Variants in N4BP2 observed in about 807,000 individuals in gnomAD.
The protein encoded by N4BP2 is NEDD4 binding protein 2.
A neutral mutation model predicts 152.8 loss-of-function variants in N4BP2; 91 were observed. The ratio of observed to expected loss-of-function variants is 0.60; its 90% CI spans 0.50 to 0.71. The LOEUF is 0.71. Ranked by LOEUF, N4BP2 falls within the 30% of genes least tolerant of loss-of-function variation. The probability of loss-of-function intolerance (pLI) is 0.00; values close to 1 mark genes in which losing one functional copy is unlikely to be tolerated. For missense variants in N4BP2, 1,923 were observed against 2,059.1 expected (o/e 0.93, Z 1.28); for synonymous variants, 646 against 705.3 (o/e 0.92, Z 1.33).
chr4:40,082,978 G>C (rs1288872991), intron 2 of N4BP2: 1 of 230,252 alleles, frequency 4.3e-6, no homozygotes, highest in Non-Finnish European at 8.8e-6. Context: ...GGGATTACAA[G>C]TGTGAGCCAC....
chr4:40,169,666 A>C, the N4BP2 span, among the ~76,000 whole-genome samples: 21 of 151,398 alleles, frequency 1.4e-4, no homozygotes, highest in Non-Finnish European at 2.4e-4. Context: ...CTTTAAAAAA[A>C]AAAACAAAAA....
At chr4:40,068,671 T>G (rs1274104815) in intron 1 of N4BP2, among the ~76,000 whole-genome samples, 2 of 152,182 alleles carry the variant, frequency 1.3e-5, no homozygotes, top group Non-Finnish European at 2.9e-5. Flanking sequence ...CCATTAGTCT[T>G]ATGTCTATCT....
the N4BP2 span, among the ~76,000 whole-genome samples, chr4:40,188,855 T>C: frequency 6.6e-6 from 1 of 151,006 alleles, no homozygotes; most frequent in Non-Finnish European, 1.5e-5. Flanking sequence ...ATTACAAAGA[T>C]CAAGGGAGGC....
At chr4:40,101,080 C>A (rs1329084774) in intron 3 of N4BP2, among the ~76,000 whole-genome samples, 1 of 152,188 alleles carries the variant, frequency 6.6e-6, no homozygotes, top group Non-Finnish European at 1.5e-5. Flanking sequence ...GTTCACATAT[C>A]ACCTTATGTG....
At chr4:40,140,138 A>G (rs188271227) in intron 14 of N4BP2, among the ~76,000 whole-genome samples, 43 of 152,194 alleles carry the variant, frequency 2.8e-4, no homozygotes, top group South Asian at 6.2e-4. Context: ...TCATCCTGCA[A>G]TCCTTATTAA....
chr4:40,144,157 G>T (rs1019593020), intron 15 of N4BP2, among the ~76,000 whole-genome samples: 2 of 152,082 alleles, frequency 1.3e-5, no homozygotes, highest in African/African-American at 4.8e-5. Flanking sequence ...ACATCTGCCT[G>T]TTTGTCTTAG....
chr4:40,145,927 C>A (rs141766114), intron 16 of N4BP2, among the ~76,000 whole-genome samples: 2 of 152,100 alleles, frequency 1.3e-5, no homozygotes, highest in African/African-American at 4.8e-5. Flanking sequence ...CTTCGGAGGC[C>A]GAGGTGGGCG....
At chr4:40,167,597 A>G in the N4BP2 span, 3 of 152,346 alleles carry the variant, frequency 2.0e-5, no homozygotes, top group South Asian at 6.2e-4. Flanking sequence ...AAGGATTCCA[A>G]GAATCTATCA....
At chr4:40,119,441 A>G (rs1227838577) in intron 8 of N4BP2, among the ~76,000 whole-genome samples, 2 of 152,226 alleles carry the variant, frequency 1.3e-5, no homozygotes, top group African/African-American at 4.8e-5. Context: ...ACCAAATGAC[A>G]TTTCAAATGA....
At chr4:40,070,393 C>T (rs1466114475) in intron 1 of N4BP2, among the ~76,000 whole-genome samples, 2 of 152,132 alleles carry the variant, frequency 1.3e-5, no homozygotes, top group African/African-American at 4.8e-5. Context: ...CCCTATATAG[C>T]CATAAAACCA....
chr4:40,081,542 A>T (rs1412775796), intron 2 of N4BP2, among the ~76,000 whole-genome samples: 2 of 152,104 alleles, frequency 1.3e-5, no homozygotes, highest in African/African-American at 2.4e-5. Flanking sequence ...GCTACTAGGG[A>T]GGCTGAGGCA....
the N4BP2 span, among the ~76,000 whole-genome samples, chr4:40,180,032 G>C: frequency 8.0e-4 from 122 of 152,162 alleles, no homozygotes; most frequent in African/African-American, 2.9e-3. Context: ...CCAAACTGCT[G>C]GGATTACAGG....
chr4:40,186,777 C>G, the N4BP2 span, among the ~76,000 whole-genome samples: 6 of 152,208 alleles, frequency 3.9e-5, no homozygotes, highest in African/African-American at 1.4e-4. Flanking sequence ...GAAAGGAAAT[C>G]ATTGCCTTCA....
chr4:40,146,189 AAAAT>A (rs1720504970), intron 16 of N4BP2, among the ~76,000 whole-genome samples: 1 of 151,224 alleles, frequency 6.6e-6, no homozygotes, highest in African/African-American at 2.4e-5. Context: ...ATAAATAAAT[AAAAT>A]AAAATAAAAT....
chr4:40,152,809 TTGTC>T lies in N4BP2; in HGVS notation c.5177_5180del (p.Ser1726Ter). On this transcript the variant is annotated frameshift_variant, in exon 17 of 18. Transcript: ENST00000261435. LOFTEE classifies it high-confidence loss of function. ...TAAGCAGAACGGTGGGAAGCCCTAT[TTGTC>T]TGTGATTACGGGGAGAGGAAACCAC... 8 of 1,613,976 alleles carry T rather than the reference TTGTC, an allele frequency of 5.0e-6. No homozygotes were observed. The highest frequency in any genetic ancestry group is 6.8e-6 in the Non-Finnish European group (8 of 1,179,966).
intron 3 of N4BP2, among the ~76,000 whole-genome samples, chr4:40,100,847 T>G (rs1715580726): frequency 6.6e-6 from 1 of 152,228 alleles, no homozygotes; most frequent in Non-Finnish European, 1.5e-5. Context: ...CATGGTAGTA[T>G]TTGAGGATTC....
chr4:40,119,160 G>C (rs1038500569), intron 8 of N4BP2, among the ~76,000 whole-genome samples: 3 of 152,106 alleles, frequency 2.0e-5, no homozygotes, highest in African/African-American at 7.2e-5. Flanking sequence ...ATAACACTCT[G>C]CTCATAAAAA....
rs200206717 is a variant in N4BP2, at chr4:40,121,995, C to G, written c.3884C>G (p.Ser1295Ter). The G allele has an allele frequency of 6.5e-7, 1 of 1,544,412 alleles. No individual in the cohort carries two copies. Among genetic ancestry groups the G allele is most frequent in the Non-Finnish European group, 8.8e-7 (1 of 1,141,310 alleles). Reference sequence around the variant, plus strand: ...ATTTTTAACTTTGTATCTAGTACTTCAAATCTTGAATTAAATGAAGAAATT... The same window carrying G: ...ATTTTTAACTTTGTATCTAGTACTTGAAATCTTGAATTAAATGAAGAAATT... The part of the protein sequence containing the change: ...SDIFNFVSST[S>*]NLELNEEIYF... The change falls in exon 9 of 18, where the codon TCA becomes TGA. Residue 1295 changes from serine (S) to a stop codon, truncating the protein, a stop_gained. Transcript: ENST00000261435. LOFTEE classifies it high-confidence loss of function.
intron 1 of N4BP2, among the ~76,000 whole-genome samples, chr4:40,058,820 CTTAT>C (rs1364553187): frequency 2.0e-5 from 3 of 151,488 alleles, no homozygotes; most frequent in Non-Finnish European, 2.9e-5. Flanking sequence ...ATAGTTGCAT[CTTAT>C]TTATTTATTT....
Sources: allele counts gnomAD v4.1 joint callset (sites outside exome capture counted in the v4.1 genomes callset), GRCh38; gene constraint gnomAD v4.1.1; transcripts MANE v1.5; gene names NCBI Gene and HGNC (gene_info 2026-07-23, HGNC 2026-07-21).